Variants in PTPRM observed in about 807,000 individuals in gnomAD.
The protein encoded by PTPRM is receptor-type tyrosine-protein phosphatase mu.
PTPRM carries 47 observed loss-of-function variants against 186.7 expected under a neutral mutation model. The observed-to-expected ratio is 0.25, with a 90% CI of 0.20 to 0.32. The LOEUF is 0.32. Among genes scored for constraint, PTPRM ranks in the 10% least tolerant of loss-of-function variants. The pLI, the probability that PTPRM is intolerant of heterozygous loss-of-function variation, is 1.00. For synonymous variants in PTPRM, 668 were observed against 674.9 expected (o/e 0.99, Z 0.16); for missense variants, 1,494 against 1,865.0 (o/e 0.80, Z 3.66).
chr18:8,341,045 G>T (rs1238403803), intron 22 of PTPRM, among the ~76,000 whole-genome samples: 2 of 117,248 alleles, frequency 1.7e-5, no homozygotes, highest in Non-Finnish European at 3.5e-5. Context: ...TCTGTATAGT[G>T]CTTGGGAGCA....
chr18:7,849,793 G>A (rs2046777150), intron 2 of PTPRM, among the ~76,000 whole-genome samples: 1 of 152,114 alleles, frequency 6.6e-6, no homozygotes, highest in Non-Finnish European at 1.5e-5. Flanking sequence ...TATGAGAGGG[G>A]GAGGCAGTCA....
chr18:7,740,831 C>T (rs992454470), intron 1 of PTPRM, among the ~76,000 whole-genome samples: 1 of 152,164 alleles, frequency 6.6e-6, no homozygotes, highest in African/African-American at 2.4e-5. Flanking sequence ...TATGGCTATA[C>T]ATGGTTAAGC....
At chr18:7,863,114 TG>T (rs560768644) in intron 2 of PTPRM, among the ~76,000 whole-genome samples, 2 of 152,202 alleles carry the variant, frequency 1.3e-5, no homozygotes, top group Non-Finnish European at 2.9e-5. Flanking sequence ...AGAAATGGAC[TG>T]TAAACTATGG....
intron 23 of PTPRM, among the ~76,000 whole-genome samples, chr18:8,363,775 TGAGGTAAGAGAGAAAAGTAACAA>T (rs2095611328): frequency 6.6e-6 from 1 of 151,980 alleles, no homozygotes; most frequent in Non-Finnish European, 1.5e-5. Flanking sequence ...TTCATCAAGA[TGAGGTAAGAGAGAAAAGTAACAA>T]GACAGATTTC....
chr18:7,939,281 CTG>C (rs2052019080), intron 5 of PTPRM, among the ~76,000 whole-genome samples: 5 of 95,298 alleles, frequency 5.2e-5, no homozygotes, highest in Non-Finnish European at 1.2e-4. Flanking sequence ...TCAGAGCTCC[CTG>C]CCTGATGCCT....
chr18:8,087,696 G>T (rs1393993968), intron 10 of PTPRM, among the ~76,000 whole-genome samples: 2 of 152,074 alleles, frequency 1.3e-5, no homozygotes, highest in African/African-American at 4.8e-5. Context: ...ATTTTTAAGA[G>T]AATTGAAATA....
intron 2 of PTPRM, among the ~76,000 whole-genome samples, chr18:7,858,246 T>C (rs1288822610): frequency 6.6e-6 from 1 of 152,206 alleles, no homozygotes; most frequent in Non-Finnish European, 1.5e-5. Context: ...TGCAAAGTTA[T>C]GTTTTTGTTT....
chr18:7,694,106 C>T (rs889756428), intron 1 of PTPRM, among the ~76,000 whole-genome samples: 29 of 152,160 alleles, frequency 1.9e-4, no homozygotes, highest in African/African-American at 6.8e-4. Flanking sequence ...GAAGCCTGGT[C>T]ATCTGCATTC....
chr18:7,710,816 A>G (rs1234889909), intron 1 of PTPRM, among the ~76,000 whole-genome samples: 1 of 134,860 alleles, frequency 7.4e-6, no homozygotes, highest in Non-Finnish European at 1.5e-5. Context: ...ATAAAGTAAA[A>G]TAAAATAAAA....
chr18:7,770,764 A>G (rs992769412), intron 1 of PTPRM, among the ~76,000 whole-genome samples: 9 of 152,158 alleles, frequency 5.9e-5, no homozygotes, highest in Non-Finnish European at 1.2e-4. Flanking sequence ...TTACTTGGTT[A>G]TTTTAATTCT....
intron 2 of PTPRM, among the ~76,000 whole-genome samples, chr18:7,841,243 G>T (rs560675448): frequency 6.7e-6 from 1 of 150,342 alleles, no homozygotes; most frequent in East Asian, 1.9e-4. Flanking sequence ...TCTAACTTCA[G>T]GTCAGACAGG....
At chr18:7,691,667 T>C (rs953293815) in intron 1 of PTPRM, among the ~76,000 whole-genome samples, 1 of 152,062 alleles carries the variant, frequency 6.6e-6, no homozygotes, top group Non-Finnish European at 1.5e-5. Context: ...AGCACTTTGG[T>C]ACTTTGGGAG....
At chr18:7,826,886 G>C (rs2045512069) in intron 2 of PTPRM, among the ~76,000 whole-genome samples, 1 of 152,156 alleles carries the variant, frequency 6.6e-6, no homozygotes, top group African/African-American at 2.4e-5. Flanking sequence ...TTGAGGCCAG[G>C]AGTTAGAGGC....
At chr18:7,644,661 C>T (rs1446122644) in intron 1 of PTPRM, among the ~76,000 whole-genome samples, 1 of 151,786 alleles carries the variant, frequency 6.6e-6, no homozygotes, top group African/African-American at 2.4e-5. Flanking sequence ...TAAAAAAATG[C>T]TATTGCACTA....
intron 1 of PTPRM, among the ~76,000 whole-genome samples, chr18:7,572,598 A>G (rs1372908541): frequency 6.6e-6 from 1 of 152,172 alleles, no homozygotes; most frequent in African/African-American, 2.4e-5. Context: ...TAAATATCCC[A>G]AGGCTTAGTT....
chr18:7,660,508 G>A (rs1459004899), intron 1 of PTPRM, among the ~76,000 whole-genome samples: 1 of 152,148 alleles, frequency 6.6e-6, no homozygotes, highest in African/African-American at 2.4e-5. Context: ...GAATGTTCCT[G>A]CTACCCCTAT....
chr18:7,767,001 G>A (rs547287048), intron 1 of PTPRM, among the ~76,000 whole-genome samples: 38 of 152,284 alleles, frequency 2.5e-4, no homozygotes, highest in African/African-American at 8.7e-4. Context: ...TGGTTGTGAG[G>A]AGTCAATGAC....
chr18:7,962,368 G>A (rs1024550791), intron 7 of PTPRM, among the ~76,000 whole-genome samples: 3 of 152,122 alleles, frequency 2.0e-5, no homozygotes, highest in African/African-American at 4.8e-5. Flanking sequence ...TGGGAATTTT[G>A]TACTAAATAC....
At chr18:8,111,510 G>T (rs2091753572) in intron 11 of PTPRM, among the ~76,000 whole-genome samples, 1 of 152,086 alleles carries the variant, frequency 6.6e-6, no homozygotes, top group Non-Finnish European at 1.5e-5. Flanking sequence ...CTACTTGGGA[G>T]GCTGGGGTGG....
Sources: allele counts gnomAD v4.1 joint callset (sites outside exome capture counted in the v4.1 genomes callset), GRCh38; gene constraint gnomAD v4.1.1; transcripts MANE v1.5; gene names NCBI Gene and HGNC (gene_info 2026-07-23, HGNC 2026-07-21).